Variants in RCOR1 observed in about 807,000 individuals in gnomAD.
RCOR1 encodes REST corepressor 1, also known as REST corepressor.
A neutral mutation model predicts 64.0 loss-of-function variants in RCOR1; 12 were observed. The observed-to-expected ratio is 0.19, with a 90% confidence interval of 0.12 to 0.30. The LOEUF (loss-of-function observed/expected upper bound fraction) is 0.30, where lower values mean the gene tolerates loss of function less well. Among genes scored for constraint, RCOR1 ranks in the 10% least tolerant of loss-of-function variants. RCOR1 has a pLI of 1.00. For synonymous variants in RCOR1, 279 were observed against 227.2 expected (o/e 1.23, Z -2.05); for missense variants, 502 against 621.2 (o/e 0.81, Z 2.04).
intron 8 of RCOR1, among the ~76,000 whole-genome samples, chr14:102,715,392 T>C (rs573780776): frequency 4.0e-4 from 60 of 150,860 alleles, no homozygotes; most frequent in Non-Finnish European, 3.0e-5. Context: ...TAATTTTATT[T>C]TGTTTTTGAG....
At chr14:102,629,580 T>C (rs552059347) in intron 2 of RCOR1, among the ~76,000 whole-genome samples, 1 of 152,104 alleles carries the variant, frequency 6.6e-6, no homozygotes, top group East Asian at 1.9e-4. Context: ...CAGGAGCTTT[T>C]CCCAGGAGGT....
intron 2 of RCOR1, among the ~76,000 whole-genome samples, chr14:102,671,633 G>T (rs967192479): frequency 6.6e-6 from 1 of 152,140 alleles, no homozygotes; most frequent in Non-Finnish European, 1.5e-5. Flanking sequence ...GGCCTCAGCT[G>T]ATCCTCCCAC....
intron 2 of RCOR1, chr14:102,649,933 C>T: frequency 4.2e-6 from 1 of 237,678 alleles, no homozygotes; most frequent in Non-Finnish European, 6.8e-6. Flanking sequence ...GGCGCGGTGG[C>T]TCACACCTGT....
intron 8 of RCOR1, among the ~76,000 whole-genome samples, chr14:102,716,177 G>A (rs1456595669): frequency 2.0e-5 from 3 of 152,056 alleles, no homozygotes; most frequent in Non-Finnish European, 4.4e-5. Context: ...TCCATTTGTT[G>A]GTCATTTGGA....
intron 3 of RCOR1, among the ~76,000 whole-genome samples, chr14:102,683,690 C>T (rs1355969166): frequency 1.3e-5 from 2 of 152,374 alleles, no homozygotes; most frequent in East Asian, 1.9e-4. Flanking sequence ...ATGTGGCCCC[C>T]GCTGACCTGG....
At chr14:102,720,665 G>T (rs1896154366) in intron 8 of RCOR1, among the ~76,000 whole-genome samples, 1 of 152,136 alleles carries the variant, frequency 6.6e-6, no homozygotes, top group Non-Finnish European at 1.5e-5. Flanking sequence ...ATCCTATGTG[G>T]TAGTAAGCCC....
At chr14:102,646,655 G>A (rs983240427) in intron 2 of RCOR1, among the ~76,000 whole-genome samples, 1 of 152,230 alleles carries the variant, frequency 6.6e-6, no homozygotes, top group East Asian at 1.9e-4. Context: ...GTGGGAAGAG[G>A]AAGTGTGGAA....
At chr14:102,707,289 T>G in intron 4 of RCOR1, 62 bp from the exon 5 acceptor site, 2 of 1,369,888 alleles carry the variant, frequency 1.5e-6, no homozygotes, top group Non-Finnish European at 2.0e-6. Context: ...CTTTTGCTGG[T>G]CTCATTTCCA....
chr14:102,672,486 A>ACAGGTGTGAGC (rs896551874), intron 2 of RCOR1, among the ~76,000 whole-genome samples: 9 of 152,120 alleles, frequency 5.9e-5, no homozygotes, highest in Non-Finnish European at 1.2e-4. Context: ...TGCTGGGATT[A>ACAGGTGTGAGC]CAGGTGTGAG....
At chr14:102,599,386 C>G (rs1425235095) in intron 2 of RCOR1, among the ~76,000 whole-genome samples, 2 of 152,166 alleles carry the variant, frequency 1.3e-5, no homozygotes, top group African/African-American at 4.8e-5. Context: ...CCTGCCTTGG[C>G]CTCCCAAAGT....
chr14:102,649,817 G>C, intron 2 of RCOR1: 1 of 979,626 alleles, frequency 1.0e-6, no homozygotes. Context: ...GACGAAATTG[G>C]CATTAGGAAT....
intron 2 of RCOR1, among the ~76,000 whole-genome samples, chr14:102,613,667 G>A (rs1459236041): frequency 4.6e-5 from 7 of 150,550 alleles, no homozygotes; most frequent in African/African-American, 1.5e-4. Flanking sequence ...TGATCCGCCC[G>A]CCTCGGCCTC....
chr14:102,620,324 T>A (rs1333982776), intron 2 of RCOR1, among the ~76,000 whole-genome samples: 1 of 152,096 alleles, frequency 6.6e-6, no homozygotes. Flanking sequence ...TCCCAGCACT[T>A]TGGGAGGCCA....
chr14:102,596,398 C>T (rs970682219), intron 2 of RCOR1, among the ~76,000 whole-genome samples: 2 of 152,052 alleles, frequency 1.3e-5, no homozygotes, highest in African/African-American at 4.8e-5. Flanking sequence ...CCACCGTGCC[C>T]AGCCAACTGA....
chr14:102,632,611 A>ATCCTATCCTTTCCTT (rs1894138092), intron 2 of RCOR1, among the ~76,000 whole-genome samples: 1 of 107,944 alleles, frequency 9.3e-6, no homozygotes, highest in African/African-American at 3.9e-5. Context: ...ACTGCATGCT[A>ATCCTATCCTTTCCTT]TCCTTTCCTT....
intron 3 of RCOR1, among the ~76,000 whole-genome samples, chr14:102,699,813 T>C (rs750087606): frequency 1.1e-4 from 17 of 152,088 alleles, no homozygotes; most frequent in Non-Finnish European, 2.4e-4. Context: ...AGGAAAATCA[T>C]GCATGAACAT....
At chr14:102,685,997 A>AT (rs563461579) in intron 3 of RCOR1, among the ~76,000 whole-genome samples, 7 of 152,218 alleles carry the variant, frequency 4.6e-5, no homozygotes, top group Non-Finnish European at 1.0e-4. Context: ...AAATGTAAAT[A>AT]TTTAGGATTA....
chr14:102,636,350 G>A (rs577615763), intron 2 of RCOR1, among the ~76,000 whole-genome samples: 50 of 150,628 alleles, frequency 3.3e-4, no homozygotes, highest in Admixed American at 2.3e-3. Flanking sequence ...TGATCTTGGC[G>A]CACTGCAACC....
At chr14:102,687,781 G>A (rs1895450664) in intron 3 of RCOR1, among the ~76,000 whole-genome samples, 2 of 152,156 alleles carry the variant, frequency 1.3e-5, no homozygotes, top group Non-Finnish European at 2.9e-5. Flanking sequence ...CATCTCCCAT[G>A]TACCACTGAG....
Sources: allele counts gnomAD v4.1 joint callset (sites outside exome capture counted in the v4.1 genomes callset), GRCh38; gene constraint gnomAD v4.1.1; transcripts MANE v1.5; gene names NCBI Gene and HGNC (gene_info 2026-07-23, HGNC 2026-07-21).